Variants in KIAA0586 observed in about 807,000 individuals in gnomAD.
KIAA0586 encodes KIAA0586.
In KIAA0586, 144 loss-of-function variants were observed where a neutral mutation model predicts 169.8. The ratio of observed to expected loss-of-function variants is 0.85; its 90% CI spans 0.74 to 0.97. The LOEUF is 0.97. Ranked by LOEUF, KIAA0586 falls within the 50% of genes least tolerant of loss-of-function variation. The pLI, the probability that KIAA0586 is intolerant of heterozygous loss-of-function variation, is 0.00. For synonymous variants in KIAA0586, 625 were observed against 612.4 expected, an observed-to-expected ratio of 1.02 and a Z score of -0.30; for missense variants, 1,854 against 1,823.0, an observed-to-expected ratio of 1.02 and a Z score of -0.31.
intron 26 of KIAA0586, among the ~76,000 whole-genome samples, chr14:58,492,615 A>G (rs532329687): frequency 2.0e-5 from 3 of 152,356 alleles, no homozygotes; most frequent in African/African-American, 7.2e-5. Flanking sequence ...GCTTACAGTC[A>G]TGTAGGAAGA....
At chr14:58,542,340 G>A (rs1256162175) in intron 30 of KIAA0586, among the ~76,000 whole-genome samples, 16 of 152,020 alleles carry the variant, frequency 1.1e-4, no homozygotes, top group African/African-American at 3.4e-4. Context: ...AGCTGGGTGC[G>A]GTGGCACACG....
chr14:58,484,924 A>ATATATATATATATATT, intron 21 of KIAA0586, among the ~76,000 whole-genome samples: 1 of 13,052 alleles, frequency 7.7e-5, no homozygotes, highest in Non-Finnish European at 1.3e-4. Context: ...ATATATATAT[A>ATATATATATATATATT]TTTTTTTTTT....
At chr14:58,450,112 C>T (rs1393725975) in intron 7 of KIAA0586, among the ~76,000 whole-genome samples, 5 of 152,184 alleles carry the variant, frequency 3.3e-5, no homozygotes, top group East Asian at 1.9e-4. Context: ...TATCCTGTTT[C>T]GGATACTCAG....
rs1172036976 is a variant in KIAA0586, at chr14:58,448,445, C to A, written c.913C>A (p.Leu305Ile). The part of the protein sequence containing the change: ...KYSVKPEHPN[L>I]GSCNPSLYNT... ...TTCCGTAAAACCAGAACACCCTAAT[C>A]TTGGTAGCTGTAATCCATCTTTATA... Residue 305 changes from leucine (L) to isoleucine (I), a missense_variant, in exon 7 of 31, where the codon CTT (leucine) becomes ATT (isoleucine). Leu to Ile is a conservative substitution (Grantham distance 5). Coordinates refer to ENST00000652326, the MANE Select transcript of KIAA0586 (RefSeq NM_001329943.3). 6.2e-7 allele frequency: 1 copy of A among 1,612,418 alleles called. No individual in the cohort carries two copies. The highest frequency in any genetic ancestry group is 8.5e-7 in the Non-Finnish European group (1 of 1,178,744).
At chr14:58,560,455 T>C in the KIAA0586 span, among the ~76,000 whole-genome samples, 1 of 152,198 alleles carries the variant, frequency 6.6e-6, no homozygotes, top group African/African-American at 2.4e-5. Context: ...TTGACACTGA[T>C]ATATGATGTC....
chr14:58,526,789 A>T (rs980901734), intron 29 of KIAA0586, among the ~76,000 whole-genome samples: 1 of 152,170 alleles, frequency 6.6e-6, no homozygotes, highest in African/African-American at 2.4e-5. Context: ...AACCCTTTCT[A>T]TTCCTTCAAA....
At chr14:58,495,055 G>T (rs1299265848) in intron 26 of KIAA0586, among the ~76,000 whole-genome samples, 2 of 151,946 alleles carry the variant, frequency 1.3e-5, no homozygotes, top group African/African-American at 2.4e-5. Context: ...CTTTCCAGGG[G>T]CTTTTCACAA....
At chr14:58,464,110 G>T (rs1182195128) in intron 14 of KIAA0586, 1 of 400,592 alleles carries the variant, frequency 2.5e-6, no homozygotes, top group South Asian at 2.0e-5. Flanking sequence ...CATGACACAG[G>T]CTGGGCTGGA....
In KIAA0586 at chr14:58,472,148, A is replaced by G. The variant is rs546288835; in HGVS notation, c.2554-51A>G. 3.0e-5 allele frequency: 28 copies of G among 923,734 alleles called. No homozygotes were observed. In the South Asian group the frequency reaches 4.9e-4, roughly 16 times the overall value. 57.2% of individuals were successfully genotyped at this position (923,734 alleles called of 1,614,324 possible). A position where few individuals can be genotyped will look rare whatever the true frequency, so the allele number is the denominator to read the frequency against. ...GTGGAAATATGATAAATTACTTATA[A>G]ATTTTAAAAGTGTTAAGCACAACAA... On this transcript the variant is annotated intron_variant, in intron 17 of 30. Coordinates refer to ENST00000652326, the MANE Select transcript of KIAA0586 (RefSeq NM_001329943.3).
At chr14:58,436,151 TAAG>T (rs1160023784) in intron 4 of KIAA0586, among the ~76,000 whole-genome samples, 4 of 152,124 alleles carry the variant, frequency 2.6e-5, no homozygotes, top group African/African-American at 9.7e-5. Flanking sequence ...AGCAGTTAGA[TAAG>T]AAAATGAAAT....
chr14:58,502,642 A>G (rs936149698), intron 27 of KIAA0586, among the ~76,000 whole-genome samples: 1 of 152,196 alleles, frequency 6.6e-6, no homozygotes, highest in East Asian at 1.9e-4. Flanking sequence ...GTATTTGACA[A>G]TGCATGTAAA....
At chr14:58,486,737 T>A (rs555111649) in intron 21 of KIAA0586, among the ~76,000 whole-genome samples, 13 of 152,250 alleles carry the variant, frequency 8.5e-5, no homozygotes, top group Admixed American at 2.0e-4. Context: ...ACTTATACAC[T>A]GTTGGTAGGA....
At chr14:58,536,234 C>T (rs2046281291) in intron 29 of KIAA0586, among the ~76,000 whole-genome samples, 1 of 152,072 alleles carries the variant, frequency 6.6e-6, no homozygotes, top group Admixed American at 6.6e-5. Flanking sequence ...GATTGGGCTT[C>T]TAATGTACCC....
chr14:58,447,276 CA>C (rs1464358637), intron 6 of KIAA0586, among the ~76,000 whole-genome samples: 1 of 151,964 alleles, frequency 6.6e-6, no homozygotes, highest in Non-Finnish European at 1.5e-5. Context: ...CTTGGCCTGG[CA>C]TAAAACTCTA....
chr14:58,458,876 C>T (rs768912759), intron 12 of KIAA0586, among the ~76,000 whole-genome samples: 7 of 152,144 alleles, frequency 4.6e-5, no homozygotes, highest in African/African-American at 7.2e-5. Context: ...AGCATTGACC[C>T]GCCAAAGTAA....
intron 29 of KIAA0586, among the ~76,000 whole-genome samples, chr14:58,526,097 CAG>C (rs1050922862): frequency 1.3e-5 from 2 of 152,244 alleles, no homozygotes; most frequent in African/African-American, 4.8e-5. Context: ...CTCCCTGGGA[CAG>C]AGCACCTGTG....
chr14:58,509,374 A>G, intron 28 of KIAA0586, among the ~76,000 whole-genome samples: 1 of 152,222 alleles, frequency 6.6e-6, no homozygotes, highest in East Asian at 1.9e-4. Flanking sequence ...AATTTGTAAA[A>G]AGTGTTTCAT....
chr14:58,482,635 G>A lies in KIAA0586; in HGVS notation c.3067G>A (p.Asp1023Asn). 1 of 1,610,042 alleles carries A rather than the reference G, an allele frequency of 6.2e-7. No homozygotes were observed. The highest frequency in any genetic ancestry group is 1.1e-5 in the South Asian group (1 of 90,416). The change falls in exon 21 of 31, where the codon GAC (aspartate) becomes AAC (asparagine). Residue 1023 changes from aspartate to asparagine, a missense_variant. Transcript: ENST00000652326. ...LAETIAVMLG[D>N]REAKKQGPVA... is the part of the protein sequence containing the mutation. ...TGAGACCATTGCTGTCATGCTGGGT[G>A]ACAGAGAAGCAAAGAAGCAAGGTCC... is the stretch of plus-strand genomic sequence containing the variant.
At chr14:58,541,136 G>A (rs770688881) in intron 30 of KIAA0586, among the ~76,000 whole-genome samples, 1 of 152,266 alleles carries the variant, frequency 6.6e-6, no homozygotes, top group Non-Finnish European at 1.5e-5. Flanking sequence ...GATCTGGTCA[G>A]TGTGAATCTA....
Sources: gnomAD v4.1 joint callset for allele counts (sites outside exome capture counted in the v4.1 genomes callset) on GRCh38, gnomAD v4.1.1 for gene constraint, MANE v1.5 for transcripts, NCBI Gene and HGNC (gene_info 2026-07-23, HGNC 2026-07-21) for gene names.